POP1: variants seen among roughly 807,000 people sequenced by gnomAD.
POP1 encodes ribonucleases P/MRP protein subunit POP1.
In POP1, 75 loss-of-function variants were observed where a neutral mutation model predicts 102.2. The observed-to-expected ratio is 0.73, with a 90% CI of 0.61 to 0.89. The LOEUF (loss-of-function observed/expected upper bound fraction) is 0.89, where lower values mean the gene tolerates loss of function less well. Ranked by LOEUF, POP1 falls within the 40% of genes least tolerant of loss-of-function variation. The pLI, the probability that POP1 is intolerant of heterozygous loss-of-function variation, is 0.00. For missense variants in POP1, 1,116 were observed against 1,267.4 expected, an observed-to-expected ratio of 0.88 and a Z score of 1.81; for synonymous variants, 436 against 464.1, an observed-to-expected ratio of 0.94 and a Z score of 0.78.
chr8:98,125,532 T>G (rs1405977076), intron 2 of POP1, among the ~76,000 whole-genome samples: 1 of 151,120 alleles, frequency 6.6e-6, no homozygotes, highest in African/African-American at 2.4e-5. Flanking sequence ...GCCCAGACAC[T>G]TGTATGGAAA....
chr8:98,134,337 T>G, intron 6 of POP1, 135 bp from the exon 7 acceptor site: 1 of 876,722 alleles, frequency 1.1e-6, no homozygotes, highest in Non-Finnish European at 1.9e-6. Flanking sequence ...TGTGCCAGGC[T>G]TTGATCTGAG....
chr8:98,142,831 C>T (rs1205323755), intron 11 of POP1, among the ~76,000 whole-genome samples: 1 of 152,204 alleles, frequency 6.6e-6, no homozygotes, highest in Non-Finnish European at 1.5e-5. Flanking sequence ...CTCTTGCAAG[C>T]ACTTTGAGAG....
In POP1 at chr8:98,157,789, A is replaced by G; in HGVS notation, c.2593A>G (p.Ser865Gly). Reference sequence around the variant, plus strand: ...GGTTTGGGTCAGCCTGTCCCTGCTCAGCAAGGGCAGCCCCGAGCCTCACAC... The same window carrying G: ...GGTTTGGGTCAGCCTGTCCCTGCTCGGCAAGGGCAGCCCCGAGCCTCACAC... ...ALVWVSLSLL[S>G]KGSPEPHTMI... Residue 865 changes from serine to glycine, a missense_variant, in exon 16 of 16, where the codon AGC becomes GGC. Transcript: ENST00000401707. The G allele has an allele frequency of 6.2e-7, 1 of 1,614,218 alleles. No homozygotes were observed. Among genetic ancestry groups the G allele is most frequent in the Non-Finnish European group, 8.5e-7 (1 of 1,180,034 alleles).
At chr8:98,144,796 G>A (rs1270339811) in intron 11 of POP1, among the ~76,000 whole-genome samples, 2 of 152,186 alleles carry the variant, frequency 1.3e-5, no homozygotes, top group Non-Finnish European at 2.9e-5. Context: ...TGAACTTGCA[G>A]CACACAGCAC....
intron 11 of POP1, among the ~76,000 whole-genome samples, chr8:98,143,409 C>T (rs1054494072): frequency 2.0e-5 from 3 of 152,110 alleles, no homozygotes; most frequent in Non-Finnish European, 2.9e-5. Flanking sequence ...CATAAAGTAC[C>T]GAGATCCCAT....
In POP1 at chr8:98,158,052, G is replaced by T. The variant is rs773865355; in HGVS notation, c.2856G>T (p.Leu952=). 6.2e-7 allele frequency: 1 copy of T among 1,610,030 alleles called. No individual in the cohort carries two copies. Residue 952 remains leucine (L), a synonymous_variant, in exon 16 of 16, where the codon CTG becomes CTT. Coordinates refer to ENST00000401707, the MANE Select transcript of POP1 (RefSeq NM_001145860.2). Reference sequence around the variant, plus strand: ...CTCTAGGGCTGTGGTCAGGCCCTCTGCCGCGTGTGACGTTGCACTGCTCCA... The same window carrying T: ...CTCTAGGGCTGTGGTCAGGCCCTCTTCCGCGTGTGACGTTGCACTGCTCCA... ...ALTLGLWSGP[L]PRVTLHCSRT... is the part of the protein sequence containing the mutation.
At chr8:98,147,659 A>G (rs891849811) in intron 12 of POP1, among the ~76,000 whole-genome samples, 17 of 152,136 alleles carry the variant, frequency 1.1e-4, no homozygotes, top group African/African-American at 4.1e-4. Context: ...TATTCTAGGT[A>G]TGACATAATG....
At chr8:98,118,691 G>T (rs1410622064) in intron 1 of POP1, among the ~76,000 whole-genome samples, 1 of 152,122 alleles carries the variant, frequency 6.6e-6, no homozygotes, top group African/African-American at 2.4e-5. Flanking sequence ...CTCCCAAAGT[G>T]CAGGGATTAC....
rs1304427322 is a variant in POP1 at position 98,136,692 on chromosome 8, T to C, written c.1222T>C (p.Cys408Arg). ...TATCGGTGATGGAACTAGAGATCCA[T>C]GTCTACCATACTCTTGGATCTCTCC... is the stretch of plus-strand genomic sequence containing the variant. The part of the protein sequence containing the change: ...KIIGDGTRDP[C>R]LPYSWISPTT... Residue 408 changes from cysteine (C) to arginine (R), a missense_variant, in exon 8 of 16, where the codon TGT becomes CGT. Cys to Arg is a radical substitution (Grantham distance 180, BLOSUM62 -3). Coordinates refer to ENST00000401707, the MANE Select transcript of POP1 (RefSeq NM_001145860.2). The C allele has an allele frequency of 6.2e-6, 10 of 1,613,306 alleles. No homozygotes were observed. The highest frequency in any genetic ancestry group is 8.5e-6 in the Non-Finnish European group (10 of 1,179,196).
chr8:98,151,740 C>CTTTT (rs755019200), intron 14 of POP1, among the ~76,000 whole-genome samples: 27 of 112,914 alleles, frequency 2.4e-4, no homozygotes, highest in African/African-American at 3.3e-4. Flanking sequence ...GCCTGGCTTG[C>CTTTT]TTTTTTTTTT....
chr8:98,152,443 G>A (rs1378444778), intron 14 of POP1, among the ~76,000 whole-genome samples: 5 of 152,218 alleles, frequency 3.3e-5, no homozygotes, highest in East Asian at 1.9e-4. Flanking sequence ...TGGAGCCCTC[G>A]GTCTCCATGG....
intron 2 of POP1, among the ~76,000 whole-genome samples, chr8:98,126,569 A>C (rs1428604018): frequency 1.3e-5 from 2 of 152,194 alleles, no homozygotes; most frequent in African/African-American, 2.4e-5. Flanking sequence ...TGTAATTTTT[A>C]CTGTTAAATA....
intron 12 of POP1, among the ~76,000 whole-genome samples, chr8:98,148,476 A>C (rs1051135856): frequency 6.6e-6 from 1 of 152,200 alleles, no homozygotes; most frequent in Non-Finnish European, 1.5e-5. Context: ...AATTGTTTAT[A>C]TCTTTTTTAC....
chr8:98,153,386 A>T (rs1387866526), intron 14 of POP1, among the ~76,000 whole-genome samples: 1 of 151,916 alleles, frequency 6.6e-6, no homozygotes, highest in Non-Finnish European at 1.5e-5. Context: ...GAAGGGGGGG[A>T]TTCAGGGCAC....
Position 98,136,640 on chromosome 8 carries a change from A to C in POP1, c.1170A>C (p.Gly390=). 1.9e-6 allele frequency: 3 copies of C among 1,613,896 alleles called. No homozygotes were observed. Among genetic ancestry groups the C allele is most frequent in the African/African-American group, 1.3e-5 (1 of 75,044 alleles). Residue 390 remains glycine, a synonymous_variant, in exon 8 of 16, where the codon GGA becomes GGC. Coordinates refer to ENST00000401707, the MANE Select transcript of POP1 (RefSeq NM_001145860.2). ...AGAAAAGAAAAAGGAAAGATGATGG[A>C]GAAAATGCTAAACCAATTAAAAAAA... ...IGKKRKRKDD[G]ENAKPIKKII...
chr8:98,132,899 G>T (rs1321613671), intron 5 of POP1, among the ~76,000 whole-genome samples: 1 of 90,100 alleles, frequency 1.1e-5, no homozygotes, highest in Non-Finnish European at 2.0e-5. Context: ...GTGAGACTCT[G>T]TCTCTGCAAA....
intron 1 of POP1, among the ~76,000 whole-genome samples, chr8:98,120,646 ATT>A (rs112406747): frequency 1.2e-4 from 10 of 80,408 alleles, no homozygotes; most frequent in African/African-American, 3.3e-4. Flanking sequence ...TCATTTTTGT[ATT>A]TTTTTTTTTT....
At position 98,159,297 on chromosome 8, in the gene POP1, C is replaced by G. The variant is rs928388556; in HGVS notation, c.*1026C>G. ...AGTGTGGCTGTGTAGTGCATAGCTACCTCTGCAAGGTGATAACTAAGCCGG... is the reference window on the plus strand; with the variant it reads ...AGTGTGGCTGTGTAGTGCATAGCTAGCTCTGCAAGGTGATAACTAAGCCGG... On this transcript the variant is annotated 3_prime_UTR_variant, in exon 16 of 16. Coordinates refer to ENST00000401707, the MANE Select transcript of POP1 (RefSeq NM_001145860.2). 2.0e-5 allele frequency: 3 copies of G among 152,180 alleles called. No homozygotes were observed. Among genetic ancestry groups the G allele is most frequent in the Non-Finnish European group, 2.9e-5 (2 of 68,042 alleles). The allele number at this position is 152,180 out of a possible 1,614,324, so 9.4% of individuals were successfully genotyped here.
At chr8:98,134,964 C>T (rs554037895) in intron 7 of POP1, among the ~76,000 whole-genome samples, 44 of 152,196 alleles carry the variant, frequency 2.9e-4, no homozygotes, top group African/African-American at 9.4e-4. Flanking sequence ...ATTATATCCC[C>T]GGAACTTGTT....
Sources: gnomAD v4.1 joint callset for allele counts (sites outside exome capture counted in the v4.1 genomes callset) on GRCh38, gnomAD v4.1.1 for gene constraint, MANE v1.5 for transcripts, NCBI Gene and HGNC (gene_info 2026-07-23, HGNC 2026-07-21) for gene names.